The following EXOC6B variants were observed in gnomAD, a reference collection of about 807,000 sequenced individuals.
EXOC6B encodes the protein exocyst complex component 6B.
Under a neutral mutation model 113.5 loss-of-function variants are expected in EXOC6B, and 54 were observed. The observed-to-expected ratio is 0.48, with a 90% CI of 0.38 to 0.60. The LOEUF is 0.60. Among genes scored for constraint, EXOC6B ranks in the 20% least tolerant of loss-of-function variants. The pLI is 0.00. For missense variants in EXOC6B, 797 were observed against 977.5 expected (o/e 0.82, Z 2.46); for synonymous variants, 357 against 339.0 (o/e 1.05, Z -0.58).
intron 20 of EXOC6B, among the ~76,000 whole-genome samples, chr2:72,309,030 TA>T (rs1317148152): frequency 1.3e-5 from 2 of 152,036 alleles, no homozygotes. Context: ...TTTAAAACCT[TA>T]AAAAATAAGT....
rs558172381 is a variant in EXOC6B, at chr2:72,318,398, A to ATTTTTTT, written c.2196+16542_2196+16548dup. ...ACATGCTGTATTTTACTAGTTGTTA[A>ATTTTTTT]TTTTTTTTTTTTTGAGACAGAGTCT... On this transcript the variant is annotated intron_variant, in intron 20 of 21. Transcript: ENST00000272427. 4.8e-3 allele frequency among the ~76,000 whole-genome samples: 710 copies of ATTTTTTT among 146,564 alleles called. 7 individuals carry two copies. The highest frequency in any genetic ancestry group is 0.016 in the African/African-American group (658 of 40,138).
intron 19 of EXOC6B, among the ~76,000 whole-genome samples, chr2:72,353,400 C>T (rs1689779496): frequency 9.4e-6 from 1 of 106,330 alleles, no homozygotes; most frequent in Admixed American, 8.1e-5. Flanking sequence ...GAGATGGAGC[C>T]TCGCTCTGTC....
intron 18 of EXOC6B, among the ~76,000 whole-genome samples, chr2:72,383,249 CA>C (rs1691801272): frequency 6.6e-6 from 1 of 152,086 alleles, no homozygotes; most frequent in Admixed American, 6.6e-5. Context: ...ATGCATCTGG[CA>C]AAGGTCTGAT....
intron 20 of EXOC6B, among the ~76,000 whole-genome samples, chr2:72,320,333 A>G (rs1347872864): frequency 6.6e-6 from 1 of 152,026 alleles, no homozygotes; most frequent in Non-Finnish European, 1.5e-5. Context: ...CTTGATTTCA[A>G]GACAATATAA....
chr2:72,321,089 A>G (rs1382495105), intron 20 of EXOC6B, among the ~76,000 whole-genome samples: 1 of 152,196 alleles, frequency 6.6e-6, no homozygotes, highest in East Asian at 1.9e-4. Flanking sequence ...CAATACTAGC[A>G]ATGTGCAGAG....
intron 5 of EXOC6B, among the ~76,000 whole-genome samples, chr2:72,727,928 T>C (rs1320702323): frequency 2.6e-5 from 4 of 151,944 alleles, no homozygotes; most frequent in African/African-American, 9.7e-5. Flanking sequence ...ATAAACAACC[T>C]AAAAGTGGTC....
intron 18 of EXOC6B, among the ~76,000 whole-genome samples, chr2:72,393,786 G>A (rs1404529620): frequency 1.3e-5 from 2 of 152,060 alleles, no homozygotes; most frequent in East Asian, 1.9e-4. Flanking sequence ...CAAATTTACA[G>A]TAAAGGATAA....
intron 20 of EXOC6B, among the ~76,000 whole-genome samples, chr2:72,234,381 C>T (rs985986624): frequency 6.6e-6 from 1 of 151,990 alleles, no homozygotes; most frequent in Admixed American, 6.6e-5. Flanking sequence ...CTGCGCCCAG[C>T]CTTCTTCTTT....
chr2:72,189,772 T>C (rs1678696222), intron 20 of EXOC6B, among the ~76,000 whole-genome samples: 1 of 146,892 alleles, frequency 6.8e-6, no homozygotes, highest in Non-Finnish European at 1.5e-5. Flanking sequence ...TCCCCTTTCT[T>C]TTCTCCTTTC....
intron 19 of EXOC6B, among the ~76,000 whole-genome samples, chr2:72,369,022 A>C (rs1204485606): frequency 6.6e-6 from 1 of 152,192 alleles, no homozygotes; most frequent in Non-Finnish European, 1.5e-5. Context: ...CAGGGCAGTT[A>C]GGCAGGAGAA....
intron 6 of EXOC6B, among the ~76,000 whole-genome samples, chr2:72,676,452 T>C (rs1303616987): frequency 1.3e-5 from 2 of 152,194 alleles, no homozygotes; most frequent in Admixed American, 1.3e-4. Flanking sequence ...TCTGGAAAAG[T>C]AATTTCTGAA....
At chr2:72,625,738 A>T (rs901363473) in intron 6 of EXOC6B, among the ~76,000 whole-genome samples, 7 of 152,216 alleles carry the variant, frequency 4.6e-5, no homozygotes, top group Admixed American at 3.3e-4. Flanking sequence ...ACTGAATTGT[A>T]TAAATATCAG....
At chr2:72,294,977 A>G (rs1360893591) in intron 20 of EXOC6B, among the ~76,000 whole-genome samples, 1 of 152,150 alleles carries the variant, frequency 6.6e-6, no homozygotes, top group East Asian at 1.9e-4. Flanking sequence ...TCACGCCTGT[A>G]ATCCCAGCAC....
intron 1 of EXOC6B, among the ~76,000 whole-genome samples, chr2:72,806,743 T>TA (rs61207093): frequency 0.92 from 140,117 of 152,228 alleles, 64,560 homozygotes; most frequent in East Asian, 0.99. Context: ...TGTGAGATGG[T>TA]TGTCATTGTG....
At chr2:72,768,537 T>C (rs1683234168) in intron 1 of EXOC6B, among the ~76,000 whole-genome samples, 1 of 151,908 alleles carries the variant, frequency 6.6e-6, no homozygotes, top group Non-Finnish European at 1.5e-5. Flanking sequence ...ACTCCAGACC[T>C]CAGGTGATCC....
intron 20 of EXOC6B, among the ~76,000 whole-genome samples, chr2:72,201,629 C>T (rs1003040840): frequency 2.6e-5 from 4 of 152,166 alleles, no homozygotes; most frequent in African/African-American, 9.7e-5. Context: ...CATCACTATG[C>T]CTACCCTGAC....
intron 18 of EXOC6B, among the ~76,000 whole-genome samples, chr2:72,449,211 C>A (rs980378860): frequency 3.3e-5 from 5 of 151,740 alleles, no homozygotes; most frequent in Non-Finnish European, 5.9e-5. Flanking sequence ...GAGACGGAGT[C>A]TCGCTCTGTC....
chr2:72,405,641 C>A (rs954307409), intron 18 of EXOC6B, among the ~76,000 whole-genome samples: 17 of 152,126 alleles, frequency 1.1e-4, no homozygotes, highest in African/African-American at 3.9e-4. Flanking sequence ...CCTTTACAGA[C>A]AAGCAAATGC....
chr2:72,209,995 G>T (rs1680086053), intron 20 of EXOC6B, among the ~76,000 whole-genome samples: 1 of 152,136 alleles, frequency 6.6e-6, no homozygotes, highest in Non-Finnish European at 1.5e-5. Context: ...GCTACACATG[G>T]ATTATGCAGG....
Sources: allele counts gnomAD v4.1 joint callset (sites outside exome capture counted in the v4.1 genomes callset), GRCh38; gene constraint gnomAD v4.1.1; transcripts MANE v1.5; gene names NCBI Gene and HGNC (gene_info 2026-07-23, HGNC 2026-07-21).